Variants in UGT2B11 observed in about 807,000 individuals in gnomAD.
The protein encoded by UGT2B11 is UDP glucuronosyltransferase family 2 member B11.
In UGT2B11, 49 loss-of-function variants were observed where a neutral mutation model predicts 51.7. That is an observed-to-expected ratio of 0.95 (90% CI 0.75 to 1.20). The LOEUF (loss-of-function observed/expected upper bound fraction) is 1.20, where lower values mean the gene tolerates loss of function less well. Ranked by LOEUF, UGT2B11 falls within the 50% of genes most tolerant of loss-of-function variation. The probability of loss-of-function intolerance (pLI) is 0.00; values close to 1 mark genes in which losing one functional copy is unlikely to be tolerated. For missense variants in UGT2B11, 810 were observed against 622.1 expected (o/e 1.30, Z -3.21); for synonymous variants, 273 against 209.0 (o/e 1.31, Z -2.64).
At chr4:69,209,998 T>G (rs1301916836) in intron 2 of UGT2B11, among the ~76,000 whole-genome samples, 1 of 151,644 alleles carries the variant, frequency 6.6e-6, no homozygotes, top group East Asian at 1.9e-4. Context: ...ATATGTATTT[T>G]TTATTATGGA....
rs1444326264 is a variant in UGT2B11 at position 69,208,361 on chromosome 4, A to G, written c.992T>C (p.Ile331Thr). Residue 331 changes from isoleucine to threonine, a missense_variant, in exon 3 of 6, where the codon ATC becomes ACC. Physicochemically the swap from Ile to Thr is moderately conservative, Grantham distance 89. Coordinates refer to ENST00000446444, the MANE Select transcript of UGT2B11 (RefSeq NM_001073.3). ...ANVIATALAK[I>T]PQKVLWRFDG... ...GGCCCTTTATCTTACCTTTTGTGGGATCTTGGCAAGGGCTGTTGCAATTAC... is the reference window on the plus strand; with the variant it reads ...GGCCCTTTATCTTACCTTTTGTGGGGTCTTGGCAAGGGCTGTTGCAATTAC... 3 of 1,610,914 alleles carry G rather than the reference A, an allele frequency of 1.9e-6. No individual in the cohort carries two copies. The South Asian group carries it at 3.3e-5, about 18-fold the overall frequency.
At chr4:69,213,903 C>A in intron 1 of UGT2B11, 99 bp downstream of exon 1, 4 of 1,418,280 alleles carry the variant, frequency 2.8e-6, no homozygotes, top group Non-Finnish European at 3.7e-6. Flanking sequence ...ATTCACTTAC[C>A]AAAAACTCCA....
the UGT2B11 span, among the ~76,000 whole-genome samples, chr4:69,224,833 T>C: frequency 4.6e-5 from 7 of 151,040 alleles, no homozygotes; most frequent in Non-Finnish European, 2.9e-5. Flanking sequence ...CCCAAGCGGG[T>C]AGCTAGTGTT....
chr4:69,222,193 T>C, the UGT2B11 span, among the ~76,000 whole-genome samples: 7 of 152,376 alleles, frequency 4.6e-5, no homozygotes, highest in African/African-American at 1.7e-4. Flanking sequence ...TCTCTAAATT[T>C]GTTCTGGGCC....
At chr4:69,223,447 G>T in the UGT2B11 span, among the ~76,000 whole-genome samples, 1 of 152,134 alleles carries the variant, frequency 6.6e-6, no homozygotes, top group East Asian at 1.9e-4. Flanking sequence ...CTTACCGGCA[G>T]GATGGAAACT....
chr4:69,207,894 G>T (rs1440609945), intron 3 of UGT2B11, among the ~76,000 whole-genome samples: 1 of 151,608 alleles, frequency 6.6e-6, no homozygotes, highest in Non-Finnish European at 1.5e-5. Context: ...ATGATCATAA[G>T]TCTTCCTTGT....
At chr4:69,213,961 AT>A (rs757401835) in intron 1 of UGT2B11, 40 bp downstream of exon 1, 6 of 1,509,618 alleles carry the variant, frequency 4.0e-6, no homozygotes, top group Non-Finnish European at 5.3e-6. Flanking sequence ...AAAGACACAA[AT>A]AAGTTAGATC....
Position 69,204,249 on chromosome 4 carries a change from T to C in UGT2B11, c.1310+181A>G, listed in dbSNP as rs950415479. The C allele has an allele frequency of 1.1e-5, 11 of 957,102 alleles. No homozygotes were observed. The African/African-American group carries it at 1.5e-4, about 13-fold the overall frequency. The allele number at this position is 957,102 out of a possible 1,614,324, so 59.3% of individuals were successfully genotyped here. A position where few individuals can be genotyped will look rare whatever the true frequency, so the allele number is the denominator to read the frequency against. ...TCACTAACTGGTTACTCATTAGATGTATGGGATTCAAACACAATTTTTAAA... is the reference window on the plus strand; with the variant it reads ...TCACTAACTGGTTACTCATTAGATGCATGGGATTCAAACACAATTTTTAAA... On this transcript the variant is annotated intron_variant, in intron 5 of 5. Coordinates refer to ENST00000446444, the MANE Select transcript of UGT2B11 (RefSeq NM_001073.3).
At chr4:69,209,915 G>T (rs1185720933) in intron 2 of UGT2B11, among the ~76,000 whole-genome samples, 2 of 151,490 alleles carry the variant, frequency 1.3e-5, no homozygotes, top group African/African-American at 4.8e-5. Flanking sequence ...GTAAGAAATT[G>T]TATAAAAGTA....
At chr4:69,212,551 A>G in intron 2 of UGT2B11, 22 bp downstream of exon 2, 1 of 1,596,336 alleles carries the variant, frequency 6.3e-7, no homozygotes, top group Non-Finnish European at 8.5e-7. Flanking sequence ...CAACAAAATA[A>G]AACCAACAAA....
chr4:69,214,887 C>G, upstream of UGT2B11: 1 of 1,100,832 alleles, frequency 9.1e-7, no homozygotes, highest in Non-Finnish European at 1.3e-6. Context: ...AGTTCGATTA[C>G]TTCATATTTA....
intron 3 of UGT2B11, among the ~76,000 whole-genome samples, chr4:69,206,098 A>G (rs1721845274): frequency 6.6e-6 from 1 of 151,504 alleles, no homozygotes; most frequent in African/African-American, 2.4e-5. Context: ...CAAAAATACC[A>G]TGAAACCCAG....
chr4:69,224,761 A>C, the UGT2B11 span, among the ~76,000 whole-genome samples: 1 of 151,928 alleles, frequency 6.6e-6, no homozygotes, highest in Non-Finnish European at 1.5e-5. Context: ...AGAAAAAAAA[A>C]AAAAGCTGTA....
chr4:69,222,610 G>A, the UGT2B11 span, among the ~76,000 whole-genome samples: 4 of 152,204 alleles, frequency 2.6e-5, no homozygotes, highest in East Asian at 5.8e-4. Context: ...CCAGGCTGCT[G>A]CTAAAGCTGC....
chr4:69,208,781 A>G (rs1386079082), intron 2 of UGT2B11, among the ~76,000 whole-genome samples: 12 of 151,580 alleles, frequency 7.9e-5, no homozygotes, highest in Non-Finnish European at 1.8e-4. Flanking sequence ...TAAAAAATAT[A>G]CCCAGACCCT....
intron 3 of UGT2B11, among the ~76,000 whole-genome samples, chr4:69,206,112 TC>T (rs1295681038): frequency 1.3e-5 from 2 of 151,254 alleles, no homozygotes; most frequent in African/African-American, 4.8e-5. Flanking sequence ...AACCCAGCAA[TC>T]CCATTACTGG....
chr4:69,200,624 G>C lies in UGT2B11; in HGVS notation c.1406C>G (p.Pro469Arg), dbSNP rs564498687. ...TCGAAGGTGTTTGGCTCCTTTGTGG[G>C]GCATGACAAATTCAATCCAGAAGAC... ...RAVFWIEFVM[P>R]HKGAKHLRVA... The change falls in exon 6 of 6, where the codon CCC becomes CGC. Residue 469 changes from proline to arginine, a missense_variant. Pro to Arg is a moderately radical substitution (Grantham distance 103, BLOSUM62 -2). Transcript: ENST00000446444. 55 of 1,612,220 alleles carry C rather than the reference G, an allele frequency of 3.4e-5. 1 individual carries two copies. The Admixed American group carries it at 7.5e-4, about 22-fold the overall frequency.
chr4:69,214,567 C>T lies in UGT2B11; in HGVS notation c.156G>A (p.Glu52=), dbSNP rs757027018. Residue 52 remains glutamate, a synonymous_variant, in exon 1 of 6, where the codon GAG becomes GAA. Coordinates refer to ENST00000446444, the MANE Select transcript of UGT2B11 (RefSeq NM_001073.3). The stretch of plus-strand genomic sequence containing the variant: ...AAGCTGAAGATGCCAGTACAGTCAC[C>T]TCATGACCTCTCTGAACAAGCTCTT... ...ILKELVQRGH[E]VTVLASSASI... 3 of 1,613,294 alleles carry T rather than the reference C, an allele frequency of 1.9e-6. No individual in the cohort carries two copies. The highest frequency in any genetic ancestry group is 2.5e-6 in the Non-Finnish European group (3 of 1,179,490).
At chr4:69,201,197 T>A (rs555873004) in intron 5 of UGT2B11, 2 of 152,378 alleles carry the variant, frequency 1.3e-5, no homozygotes, top group Admixed American at 6.5e-5. Flanking sequence ...CTCAGCATCA[T>A]GAGCCATTTT....
Sources: allele counts gnomAD v4.1 joint callset (sites outside exome capture counted in the v4.1 genomes callset), GRCh38; gene constraint gnomAD v4.1.1; transcripts MANE v1.5; gene names NCBI Gene and HGNC (gene_info 2026-07-23, HGNC 2026-07-21).